CHD9: variants seen among roughly 807,000 people sequenced by gnomAD.
CHD9 encodes the protein ATP-dependent chromatin remodeler CHD9.
CHD9 carries 77 observed loss-of-function variants against 316.1 expected under a neutral mutation model. The observed-to-expected ratio is 0.24, with a 90% CI of 0.20 to 0.29. The LOEUF (loss-of-function observed/expected upper bound fraction) is 0.29, where lower values mean the gene tolerates loss of function less well. CHD9 is among the 10% of genes least tolerant of loss of function. The probability of loss-of-function intolerance (pLI) is 1.00; values close to 1 mark genes in which losing one functional copy is unlikely to be tolerated. For missense variants in CHD9, 2,763 were observed against 3,438.1 expected, an observed-to-expected ratio of 0.80 and a Z score of 4.91; for synonymous variants, 1,129 against 1,158.3, an observed-to-expected ratio of 0.97 and a Z score of 0.51.
chr16:53,168,503 A>T (rs766149714), intron 2 of CHD9: 1 of 152,138 alleles, frequency 6.6e-6, no homozygotes, highest in Non-Finnish European at 1.5e-5. Flanking sequence ...AGGGAAAGTA[A>T]CCTCTAATGT....
At chr16:53,310,854 AAACAAT>A (rs2153094357) in intron 34 of CHD9, 2 of 101,500 alleles carry the variant, frequency 2.0e-5, no homozygotes, top group Admixed American at 1.8e-4. Flanking sequence ...CCTGTCTCAA[AAACAAT>A]AATAATAATA....
At chr16:53,067,111 A>G (rs1377113915) in intron 1 of CHD9, among the ~76,000 whole-genome samples, 1 of 151,956 alleles carries the variant, frequency 6.6e-6, no homozygotes, top group Non-Finnish European at 1.5e-5. Context: ...TCCAACTAAT[A>G]TTTTTATTTA....
chr16:53,312,311 T>G (rs926878211), intron 34 of CHD9, among the ~76,000 whole-genome samples: 8 of 152,226 alleles, frequency 5.3e-5, no homozygotes, highest in African/African-American at 1.7e-4. Flanking sequence ...GACAATACAT[T>G]CAATATTTTG....
At chr16:53,275,110 C>A (rs186624011) in intron 24 of CHD9, among the ~76,000 whole-genome samples, 91 of 152,310 alleles carry the variant, frequency 6.0e-4, no homozygotes, top group African/African-American at 2.0e-3. Flanking sequence ...TGGCTCACTG[C>A]AACCTCCATC....
chr16:53,284,707 T>G (rs1483225582), intron 24 of CHD9, among the ~76,000 whole-genome samples: 1 of 152,212 alleles, frequency 6.6e-6, no homozygotes, highest in African/African-American at 2.4e-5. Flanking sequence ...TACTTTTTAG[T>G]AATCTATTGT....
intron 1 of CHD9, among the ~76,000 whole-genome samples, chr16:53,124,696 T>C (rs1379269818): frequency 6.6e-6 from 1 of 151,988 alleles, no homozygotes; most frequent in Non-Finnish European, 1.5e-5. Context: ...GCTAGGTTGG[T>C]CTTGAATTCC....
At chr16:53,280,841 T>C (rs982348421) in intron 24 of CHD9, among the ~76,000 whole-genome samples, 14 of 152,210 alleles carry the variant, frequency 9.2e-5, no homozygotes, top group Non-Finnish European at 2.9e-5. Context: ...CTTCGGGGTC[T>C]CACTAAAGTG....
rs369055399 is a variant in CHD9 at position 53,259,077 on chromosome 16, A to G, written c.4209+3298A>G. Among the ~76,000 whole-genome samples the G allele has an allele frequency of 2.6e-5, 4 of 152,230 alleles. 1 individual carries two copies. The East Asian group carries it at 5.8e-4, about 22-fold the overall frequency. ...GCGGAAGGAATGCATTTTAAGAAGA[A>G]AAATTTAGGGGGAACTAGGATATTA... On this transcript the variant is annotated intron_variant, in intron 19 of 38. Transcript: ENST00000447540.
At chr16:53,263,330 A>G (rs2051329119) in intron 20 of CHD9, among the ~76,000 whole-genome samples, 1 of 152,152 alleles carries the variant, frequency 6.6e-6, no homozygotes, top group Non-Finnish European at 1.5e-5. Context: ...TATAATTTAC[A>G]TTCTTAAAAT....
chr16:53,285,624 G>T lies in CHD9; in HGVS notation c.4996G>T (p.Asp1666Tyr), dbSNP rs1427163186. The T allele has an allele frequency of 1.2e-6, 2 of 1,606,136 alleles. No individual in the cohort carries two copies. Residue 1666 changes from aspartate (D) to tyrosine (Y), a missense_variant, in exon 25 of 39, where the codon GAC becomes TAC. Physicochemically the swap from Asp to Tyr is radical, Grantham distance 160. Coordinates refer to ENST00000447540, the MANE Select transcript of CHD9 (RefSeq NM_001308319.2). Reference protein sequence around the residue: ...SDIDVWVPEPDHSEVPAEWWD... With the variant: ...SDIDVWVPEPYHSEVPAEWWD... ...CATTGATGTTTGGGTACCAGAACCAGACCACTCAGAAGTTCCTGCTGAGTG... is the reference window on the plus strand; with the variant it reads ...CATTGATGTTTGGGTACCAGAACCATACCACTCAGAAGTTCCTGCTGAGTG...
At chr16:53,323,904 G>A (rs2057425483) in intron 38 of CHD9, 116 bp from the exon 39 acceptor site, 1 of 863,760 alleles carries the variant, frequency 1.2e-6, no homozygotes, top group Non-Finnish European at 1.8e-6. Flanking sequence ...TTTAATATCA[G>A]TACAGAATAA....
chr16:53,153,860 A>G (rs1360713963), intron 1 of CHD9, among the ~76,000 whole-genome samples: 1 of 152,080 alleles, frequency 6.6e-6, no homozygotes, highest in Non-Finnish European at 1.5e-5. Flanking sequence ...TTTATTTATG[A>G]TATGATTGAG....
intron 37 of CHD9, 130 bp from the exon 38 acceptor site, chr16:53,321,396 T>C (rs1231629458): frequency 3.0e-5 from 42 of 1,392,960 alleles, no homozygotes; most frequent in Non-Finnish European, 3.8e-5. Flanking sequence ...AATATAATCA[T>C]AAAGATTACC....
chr16:53,229,520 C>CCT (rs2047985527), intron 8 of CHD9, among the ~76,000 whole-genome samples: 1 of 152,072 alleles, frequency 6.6e-6, no homozygotes, highest in Non-Finnish European at 1.5e-5. Flanking sequence ...GAAAAATTTA[C>CCT]CTCTCTAGGC....
chr16:53,262,954 T>A, intron 19 of CHD9, 33 bp from the exon 20 acceptor site: 1 of 1,524,416 alleles, frequency 6.6e-7, no homozygotes, highest in Non-Finnish European at 9.1e-7. Flanking sequence ...CTTTGATAGA[T>A]TTTTCCTCTA....
intron 3 of CHD9, among the ~76,000 whole-genome samples, chr16:53,217,881 G>C (rs182812022): frequency 1.3e-5 from 2 of 150,758 alleles, no homozygotes; most frequent in Admixed American, 6.6e-5. Flanking sequence ...CTAGAACTAC[G>C]GGTGCATACC....
At chr16:53,127,340 G>A (rs539660240) in intron 1 of CHD9, among the ~76,000 whole-genome samples, 7 of 152,274 alleles carry the variant, frequency 4.6e-5, no homozygotes, top group Admixed American at 1.3e-4. Flanking sequence ...CCTCAAACTT[G>A]CAGGAAAACT....
intron 2 of CHD9, among the ~76,000 whole-genome samples, chr16:53,158,857 GA>G (rs1330599420): frequency 6.6e-6 from 1 of 152,036 alleles, no homozygotes; most frequent in Non-Finnish European, 1.5e-5. Flanking sequence ...GGCTAATCTT[GA>G]GCTCCTGTAC....
chr16:53,184,550 G>A (rs2043822358), intron 2 of CHD9, among the ~76,000 whole-genome samples: 1 of 152,086 alleles, frequency 6.6e-6, no homozygotes, highest in Non-Finnish European at 1.5e-5. Flanking sequence ...TCACCACAGT[G>A]CCCAGGCTGG....
Sources: gnomAD v4.1 joint callset for allele counts (sites outside exome capture counted in the v4.1 genomes callset) on GRCh38, gnomAD v4.1.1 for gene constraint, MANE v1.5 for transcripts, NCBI Gene and HGNC (gene_info 2026-07-23, HGNC 2026-07-21) for gene names.